Variants in PNPT1 observed in about 807,000 individuals in gnomAD.
The protein encoded by PNPT1 is polyribonucleotide nucleotidyltransferase 1, mitochondrial.
Under a neutral mutation model 119.5 loss-of-function variants are expected in PNPT1, and 53 were observed. The ratio of observed to expected loss-of-function variants is 0.44; its 90% CI spans 0.36 to 0.56. The LOEUF is 0.56. Ranked by LOEUF, PNPT1 falls within the 20% of genes least tolerant of loss-of-function variation. PNPT1 has a pLI of 0.00. For missense variants in PNPT1, 948 were observed against 938.5 expected, an observed-to-expected ratio of 1.01 and a Z score of -0.13; for synonymous variants, 357 against 322.1, an observed-to-expected ratio of 1.11 and a Z score of -1.16.
chr2:55,643,006 T>TACTC (rs1037580662), intron 25 of PNPT1, 152 bp downstream of exon 25: 64 of 735,514 alleles, frequency 8.7e-5, no homozygotes, highest in African/African-American at 8.5e-4. Flanking sequence ...TAGTCCTAAA[T>TACTC]AGGAGGCTGA....
chr2:55,666,161 G>A (rs1338906358), intron 13 of PNPT1, among the ~76,000 whole-genome samples: 1 of 152,168 alleles, frequency 6.6e-6, no homozygotes, highest in Non-Finnish European at 1.5e-5. Context: ...GACAAAAGCA[G>A]ATCAGTAGTC....
At chr2:55,639,509 T>C (rs780139014) in intron 26 of PNPT1, among the ~76,000 whole-genome samples, 1 of 152,212 alleles carries the variant, frequency 6.6e-6, no homozygotes, top group Non-Finnish European at 1.5e-5. Context: ...AAAACTGATA[T>C]CTTAATTTCA....
intron 14 of PNPT1, among the ~76,000 whole-genome samples, chr2:55,661,636 C>G (rs1290287935): frequency 6.6e-6 from 1 of 152,140 alleles, no homozygotes; most frequent in Non-Finnish European, 1.5e-5. Context: ...CATTTGCTCT[C>G]GTTTCTAATA....
chr2:55,682,120 T>G (rs1011058603), intron 5 of PNPT1, among the ~76,000 whole-genome samples: 16 of 141,930 alleles, frequency 1.1e-4, no homozygotes, highest in African/African-American at 4.0e-4. Flanking sequence ...TCCAGCCTGG[T>G]CGACAGAGCG....
intron 21 of PNPT1, among the ~76,000 whole-genome samples, chr2:55,645,733 T>C (rs558176600): frequency 6.6e-6 from 1 of 152,320 alleles, no homozygotes; most frequent in East Asian, 1.9e-4. Flanking sequence ...TCTCACTACG[T>C]TGCCCAGGCT....
intron 10 of PNPT1, 70 bp downstream of exon 10, chr2:55,671,925 A>G (rs991974807): frequency 1.7e-6 from 2 of 1,161,684 alleles, no homozygotes; most frequent in African/African-American, 3.2e-5. Context: ...TTCATAAAGA[A>G]AATTACATGA....
chr2:55,661,636 C>T (rs1290287935), intron 14 of PNPT1, among the ~76,000 whole-genome samples: 2 of 152,140 alleles, frequency 1.3e-5, no homozygotes, highest in Non-Finnish European at 2.9e-5. Flanking sequence ...CATTTGCTCT[C>T]GTTTCTAATA....
intron 15 of PNPT1, among the ~76,000 whole-genome samples, chr2:55,658,376 C>A (rs539528675): frequency 6.6e-6 from 1 of 152,078 alleles, no homozygotes; most frequent in Non-Finnish European, 1.5e-5. Flanking sequence ...TAAGAGACGA[C>A]GGGTATTGAG....
intron 15 of PNPT1, among the ~76,000 whole-genome samples, chr2:55,657,593 T>C (rs34513671): frequency 0.22 from 33,739 of 150,480 alleles, 3,854 homozygotes; most frequent in East Asian, 0.36. Flanking sequence ...ACCATGTTGG[T>C]CAGGCTGGTC....
At chr2:55,669,514 C>T (rs762447746) in intron 11 of PNPT1, among the ~76,000 whole-genome samples, 13 of 152,230 alleles carry the variant, frequency 8.5e-5, no homozygotes, top group Non-Finnish European at 4.4e-5. Flanking sequence ...ATCTTTTCTG[C>T]TTAACTGAGT....
intron 12 of PNPT1, among the ~76,000 whole-genome samples, 173 bp from the exon 13 acceptor site, chr2:55,667,266 C>G (rs1483060142): frequency 6.6e-6 from 1 of 152,078 alleles, no homozygotes; most frequent in Non-Finnish European, 1.5e-5. Context: ...ATCAGAATGT[C>G]TGAAGTTGAA....
chr2:55,657,449 T>C (rs368942137), intron 15 of PNPT1, among the ~76,000 whole-genome samples: 34 of 151,508 alleles, frequency 2.2e-4, no homozygotes, highest in African/African-American at 7.7e-4. Context: ...CGTGCAATGG[T>C]GCAATCTCGG....
At chr2:55,685,487 C>A (rs1166728710) in intron 3 of PNPT1, among the ~76,000 whole-genome samples, 1 of 152,014 alleles carries the variant, frequency 6.6e-6, no homozygotes, top group African/African-American at 2.4e-5. Flanking sequence ...ATGATCACAC[C>A]ACTGAACAAC....
At chr2:55,663,443 T>C (rs758693360) in intron 13 of PNPT1, among the ~76,000 whole-genome samples, 8 of 152,038 alleles carry the variant, frequency 5.3e-5, no homozygotes, top group Non-Finnish European at 1.0e-4. Flanking sequence ...GAATGAGGCA[T>C]GAAAAAATAT....
rs1695634175 is a variant in PNPT1 at position 55,635,317 on chromosome 2, T to C, written c.*920A>G. On this transcript the variant is annotated 3_prime_UTR_variant, in exon 28 of 28. Transcript: ENST00000447944. ...TAGTTCAATTTGATAAGTAAACAAT[T>C]TTTTTTTTTTTTTTGAGACGGAGTT... is the stretch of plus-strand genomic sequence containing the variant. The C allele has an allele frequency of 5.1e-4, 1 of 1,978 alleles. No individual in the cohort carries two copies. Among genetic ancestry groups the C allele is most frequent in the Admixed American group, 0.01 (1 of 98 alleles). The allele number at this position is 1,978 out of a possible 1,614,324, so 0.1% of individuals were successfully genotyped here. A position where few individuals can be genotyped will look rare whatever the true frequency, so the allele number is the denominator to read the frequency against.
rs775489208 is a variant in PNPT1, at chr2:55,644,623, C to T, written c.1906+14G>A. On this transcript the variant is annotated intron_variant, in intron 23 of 27. Transcript: ENST00000447944. ...CATTTAATTAAAAAACCCCAAACTT[C>T]ATACAACTCTTACCTGTTTCAGCCT... The T allele has an allele frequency of 3.8e-6, 6 of 1,579,962 alleles. No individual in the cohort carries two copies. In the Admixed American group the frequency reaches 8.4e-5, roughly 22 times the overall value.
chr2:55,651,377 T>C lies in PNPT1; in HGVS notation c.1495+3523A>G, dbSNP rs1401112891. 5.3e-5 allele frequency among the ~76,000 whole-genome samples: 8 copies of C among 152,188 alleles called. No homozygotes were observed. The East Asian group carries it at 1.6e-3, about 30-fold the overall frequency. ...AGATTGAGAAATCGGATGGTTGCCG[T>C]GTCTGTGTAGAAAGAGGTAGACGTG... On this transcript the variant is annotated intron_variant, in intron 18 of 27. Transcript: ENST00000447944.
At chr2:55,665,516 T>C (rs533606650) in intron 13 of PNPT1, among the ~76,000 whole-genome samples, 1 of 152,102 alleles carries the variant, frequency 6.6e-6, no homozygotes, top group Non-Finnish European at 1.5e-5. Context: ...CAGAAATTAC[T>C]ACAAAATAGC....
rs757038741 is a variant in PNPT1 at position 55,656,355 on chromosome 2, G to T, written c.1301C>A (p.Thr434Asn). The T allele has an allele frequency of 6.2e-7, 1 of 1,604,570 alleles. No individual in the cohort carries two copies. The highest frequency in any genetic ancestry group is 8.5e-7 in the Non-Finnish European group (1 of 1,176,370). Residue 434 changes from threonine (T) to asparagine (N), a missense_variant, in exon 16 of 28, where the codon ACT (threonine) becomes AAT (asparagine). Transcript: ENST00000447944. ...ACCAGTGACTTTGCCAATTTCATTA[G>T]TTGCATAAGGAGGAAACTTAAAAAA... ...MLHYEFPPYA[T>N]NEIGKVTGLN...
Sources: allele counts gnomAD v4.1 joint callset (sites outside exome capture counted in the v4.1 genomes callset), GRCh38; gene constraint gnomAD v4.1.1; transcripts MANE v1.5; gene names NCBI Gene and HGNC (gene_info 2026-07-23, HGNC 2026-07-21).